Variants in CBLN2 observed in about 807,000 individuals in gnomAD.
CBLN2 encodes the protein cerebellin-2.
A neutral mutation model predicts 15.0 loss-of-function variants in CBLN2; 7 were observed. The ratio of observed to expected loss-of-function variants is 0.47; its 90% confidence interval spans 0.27 to 0.88. CBLN2 has a LOEUF of 0.88. Ranked by LOEUF, CBLN2 falls within the 40% of genes least tolerant of loss-of-function variation. The pLI, the probability that CBLN2 is intolerant of heterozygous loss-of-function variation, is 0.14. For synonymous variants in CBLN2, 149 were observed against 135.2 expected (o/e 1.10, Z -0.71); for missense variants, 242 against 304.5 (o/e 0.79, Z 1.53).
intron 1 of CBLN2, among the ~76,000 whole-genome samples, chr18:72,591,882 C>T (rs1036537112): frequency 3.3e-5 from 5 of 152,070 alleles, no homozygotes; most frequent in African/African-American, 1.2e-4. Flanking sequence ...ACCATATTTT[C>T]TTTATCCATT....
chr18:72,634,414 A>G (rs1378694190), intron 1 of CBLN2, among the ~76,000 whole-genome samples: 1 of 152,124 alleles, frequency 6.6e-6, no homozygotes. Flanking sequence ...TTATAAAATA[A>G]TCTATGTGAT....
intron 1 of CBLN2, among the ~76,000 whole-genome samples, chr18:72,583,607 TTTA>T (rs1430249763): frequency 6.6e-6 from 1 of 152,196 alleles, no homozygotes; most frequent in African/African-American, 2.4e-5. Flanking sequence ...TATTTTGACA[TTTA>T]TTCTTTTTAA....
intron 1 of CBLN2, among the ~76,000 whole-genome samples, chr18:72,567,534 A>T (rs939512543): frequency 6.6e-6 from 1 of 152,154 alleles, no homozygotes; most frequent in African/African-American, 2.4e-5. Context: ...TGATACCCTC[A>T]CACAAACGCA....
chr18:72,564,328 A>G (rs960413358), intron 1 of CBLN2, among the ~76,000 whole-genome samples: 3 of 152,180 alleles, frequency 2.0e-5, no homozygotes, highest in Non-Finnish European at 2.9e-5. Flanking sequence ...TATTATTTCA[A>G]TGAAAAATCC....
chr18:72,614,856 G>A (rs1367306522), intron 1 of CBLN2, among the ~76,000 whole-genome samples: 1 of 150,802 alleles, frequency 6.6e-6, no homozygotes, highest in Admixed American at 6.6e-5. Context: ...ATCTTTTCTG[G>A]GTTTTAAAAA....
upstream of CBLN2, among the ~76,000 whole-genome samples, chr18:72,547,149 A>G (rs562080401): frequency 3.4e-5 from 5 of 147,086 alleles, no homozygotes; most frequent in South Asian, 8.6e-4. Context: ...CACACACACA[A>G]TTGGAATACT....
At chr18:72,555,084 G>A (rs560373916) in intron 1 of CBLN2, among the ~76,000 whole-genome samples, 7 of 151,620 alleles carry the variant, frequency 4.6e-5, no homozygotes, top group Admixed American at 2.6e-4. Flanking sequence ...GCAGTGAGCC[G>A]AGATCATGCC....
At chr18:72,587,939 G>A (rs2069454274) in intron 1 of CBLN2, among the ~76,000 whole-genome samples, 1 of 151,944 alleles carries the variant, frequency 6.6e-6, no homozygotes, top group African/African-American at 2.4e-5. Context: ...TAATTTATAG[G>A]GTCCCTGAAC....
chr18:72,571,647 C>A (rs1024977419), intron 1 of CBLN2, among the ~76,000 whole-genome samples: 1 of 152,206 alleles, frequency 6.6e-6, no homozygotes, highest in African/African-American at 2.4e-5. Flanking sequence ...GTGTCCACCA[C>A]TGTCCGTGGC....
At chr18:72,593,638 C>G (rs762921196) in intron 1 of CBLN2, among the ~76,000 whole-genome samples, 1 of 152,066 alleles carries the variant, frequency 6.6e-6, no homozygotes, top group African/African-American at 2.4e-5. Flanking sequence ...GATACTAGCT[C>G]TTGGTCTGTC....
At chr18:72,635,933 C>T (rs1287730186) in intron 1 of CBLN2, among the ~76,000 whole-genome samples, 1 of 152,084 alleles carries the variant, frequency 6.6e-6, no homozygotes, top group Non-Finnish European at 1.5e-5. Flanking sequence ...CAACATCTGC[C>T]TACCTGCAAA....
chr18:72,571,699 T>G (rs576905185), intron 1 of CBLN2, among the ~76,000 whole-genome samples: 1 of 152,232 alleles, frequency 6.6e-6, no homozygotes, highest in East Asian at 1.9e-4. Context: ...TATTCAGTTA[T>G]ACAGGGAAAT....
chr18:72,541,685 A>G, intron 3 of CBLN2, 119 bp downstream of exon 3: 1 of 688,558 alleles, frequency 1.5e-6, no homozygotes, highest in South Asian at 2.1e-5. Context: ...CTAGCAGGGC[A>G]GAGGGGGAGG....
chr18:72,545,776 C>T (rs1009161399), upstream of CBLN2, among the ~76,000 whole-genome samples: 2 of 152,162 alleles, frequency 1.3e-5, no homozygotes, highest in Non-Finnish European at 2.9e-5. Flanking sequence ...TATAGCAATA[C>T]CTCTCACACA....
chr18:72,540,687 A>T (rs1021616910), intron 3 of CBLN2, among the ~76,000 whole-genome samples: 7 of 152,344 alleles, frequency 4.6e-5, no homozygotes, highest in African/African-American at 1.4e-4. Context: ...CCAAGAAAAA[A>T]AAACCTCAAA....
At chr18:72,570,596 G>A (rs1402191593) in intron 1 of CBLN2, among the ~76,000 whole-genome samples, 1 of 151,980 alleles carries the variant, frequency 6.6e-6, no homozygotes, top group Non-Finnish European at 1.5e-5. Flanking sequence ...TCTAACACAT[G>A]CATTTTTTTT....
chr18:72,541,504 A>G, intron 3 of CBLN2, among the ~76,000 whole-genome samples: 1 of 152,214 alleles, frequency 6.6e-6, no homozygotes, highest in East Asian at 1.9e-4. Flanking sequence ...CCTTTTGGGA[A>G]ACATATTTCA....
intron 1 of CBLN2, among the ~76,000 whole-genome samples, chr18:72,599,748 G>A (rs1345708357): frequency 6.6e-6 from 1 of 152,214 alleles, no homozygotes; most frequent in East Asian, 1.9e-4. Flanking sequence ...TGAGAGAAAA[G>A]GGTCAAGAGC....
intron 1 of CBLN2, among the ~76,000 whole-genome samples, chr18:72,562,342 A>G (rs1302931744): frequency 2.6e-5 from 4 of 152,218 alleles, no homozygotes; most frequent in African/African-American, 7.2e-5. Flanking sequence ...AAAGTAAAAC[A>G]TTTAGATAAA....
Sources: allele counts gnomAD v4.1 joint callset (sites outside exome capture counted in the v4.1 genomes callset), GRCh38; gene constraint gnomAD v4.1.1; transcripts MANE v1.5; gene names NCBI Gene and HGNC (gene_info 2026-07-23, HGNC 2026-07-21).